The following SSBP4 variants were observed in gnomAD, a reference collection of about 807,000 sequenced individuals.
SSBP4 encodes the protein single-stranded DNA-binding protein 4.
A neutral mutation model predicts 64.6 loss-of-function variants in SSBP4; 33 were observed. The ratio of observed to expected loss-of-function variants is 0.51; its 90% CI spans 0.39 to 0.68. SSBP4 has a LOEUF of 0.68. SSBP4 is among the 30% of genes least tolerant of loss of function. The pLI, the probability that SSBP4 is intolerant of heterozygous loss-of-function variation, is 0.00. For missense variants in SSBP4, 583 were observed against 566.8 expected (o/e 1.03, Z -0.29); for synonymous variants, 243 against 224.0 (o/e 1.08, Z -0.76).
At chr19:18,404,091 TG>T in the SSBP4 span, among the ~76,000 whole-genome samples, 1 of 151,576 alleles carries the variant, frequency 6.6e-6, no homozygotes, top group South Asian at 2.1e-4. Context: ...CAGAAACACT[TG>T]GGGGCCACCA....
At position 18,426,259 on chromosome 19, in the gene SSBP4, CAG is replaced by C. The variant is rs1972847910; in HGVS notation, c.60-1087_60-1086del. Among the ~76,000 whole-genome samples, 1 of 152,152 alleles carries C rather than the reference CAG, an allele frequency of 6.6e-6. No individual in the cohort carries two copies. The highest frequency in any genetic ancestry group is 6.5e-5 in the Admixed American group (1 of 15,280). On this transcript the variant is annotated intron_variant, in intron 1 of 17. Coordinates refer to ENST00000270061, the MANE Select transcript of SSBP4 (RefSeq NM_032627.5). The surrounding 1 kb of genome is among the most constrained non-coding windows in gnomAD (Gnocchi z 4.5). ...GTTATTTTAGGATGGGGCCCGCAGC[CAG>C]AGAGGGCGGCGCAGCTGAGCTGGAG...
chr19:18,431,454 C>T lies in SSBP4; in HGVS notation c.435+36C>T, dbSNP rs566676951. The T allele has an allele frequency of 5.5e-5, 65 of 1,189,962 alleles. 1 individual carries two copies. In the South Asian group the frequency reaches 7.9e-4, roughly 14 times the overall value. The allele number at this position is 1,189,962 out of a possible 1,614,324, so 73.7% of individuals were successfully genotyped here. On this transcript the variant is annotated intron_variant, in intron 6 of 17. Coordinates refer to ENST00000270061, the MANE Select transcript of SSBP4 (RefSeq NM_032627.5). ...GTGGTGCCTGCCCCTCACACACACA[C>T]ATCCCCTCCCCCAGCGCCGCCCCCT...
upstream of SSBP4, chr19:18,419,379 C>T (rs978904993): frequency 1.9e-5 from 20 of 1,026,316 alleles, no homozygotes; most frequent in Non-Finnish European, 2.3e-5. Context: ...GCGCGCGCGG[C>T]GGGAGGAGGG....
At position 18,423,025 on chromosome 19, in the gene SSBP4, G is replaced by A. The variant is rs747325582; in HGVS notation, c.59+3318G>A. ...CAGAAAGGGACCGAGCACCTGGTGG[G>A]TGCCTGCCCTCGGGGGCTCGCAGCA... On this transcript the variant is annotated intron_variant, in intron 1 of 17. Coordinates refer to ENST00000270061, the MANE Select transcript of SSBP4 (RefSeq NM_032627.5). The surrounding 1 kb of genome is among the most constrained non-coding windows in gnomAD (Gnocchi z 4.0). Among the ~76,000 whole-genome samples the A allele has an allele frequency of 2.2e-4, 34 of 152,364 alleles. No individual in the cohort carries two copies. Among genetic ancestry groups the A allele is most frequent in the Non-Finnish European group, 3.8e-4 (26 of 68,038 alleles).
At chr19:18,432,283 T>TG in intron 10 of SSBP4, 69 bp downstream of exon 10, 5 of 1,577,892 alleles carry the variant, frequency 3.2e-6, no homozygotes, top group Non-Finnish European at 3.5e-6. Context: ...CTGGGTCAGC[T>TG]GGGGCAGGTC....
In SSBP4 at chr19:18,432,731, A is replaced by G. The variant is rs933885771; in HGVS notation, c.782A>G (p.Tyr261Cys). 1 of 1,593,972 alleles carries G rather than the reference A, an allele frequency of 6.3e-7. No individual in the cohort carries two copies. The change falls in exon 12 of 18, where the codon TAC (tyrosine) becomes TGC (cysteine). Residue 261 changes from tyrosine (Y) to cysteine (C), a missense_variant. This residue lies in a region of SSBP4 where 444 missense variants were observed against 386.6 expected (regional missense o/e 1.15). Coordinates refer to ENST00000270061, the MANE Select transcript of SSBP4 (RefSeq NM_032627.5). ...IPYSSSSPGSYTGPPGGGGPP... is the reference protein window; with the variant it reads ...IPYSSSSPGSCTGPPGGGGPP... ...TACTCCTCCTCATCCCCCGGCAGCT[A>G]CACCGTAAGTCTGAGCAAAGCTGGG... is the stretch of plus-strand genomic sequence containing the variant.
At chr19:18,417,716 CGGCCGGCTGGACAGGAAGTGGGAAGGGCT>C (rs1250172443), upstream of SSBP4, among the ~76,000 whole-genome samples, 2 of 152,232 alleles carry the variant, frequency 1.3e-5, no homozygotes, top group East Asian at 3.9e-4. The surrounding 1 kb of genome is among the most constrained non-coding windows in gnomAD (Gnocchi z 5.4). Context: ...GGGGAAGGGG[CGGCCGGCTGGACAGGAAGTGGGAAGGGCT>C]GGCGTCCCCC....
rs1972617987 is a variant in SSBP4 at position 18,423,695 on chromosome 19, CTCATG to C, written c.60-3655_60-3651del. On this transcript the variant is annotated intron_variant, in intron 1 of 17. Transcript: ENST00000270061. The surrounding 1 kb of genome is among the most constrained non-coding windows in gnomAD (Gnocchi z 4.0). ...TCCTGGCTCTGCTTCCCTGCACAGCCTCATGCTCGCTCCAGGTCCAGGCGCCCCAT... is the reference window on the plus strand; with the variant it reads ...TCCTGGCTCTGCTTCCCTGCACAGCCCTCGCTCCAGGTCCAGGCGCCCCAT... 5.9e-5 allele frequency among the ~76,000 whole-genome samples: 9 copies of C among 152,200 alleles called. No individual in the cohort carries two copies. Among genetic ancestry groups the C allele is most frequent in the African/African-American group, 1.7e-4 (7 of 41,442 alleles).
rs1262038427 is a variant in SSBP4, at chr19:18,431,820, C to T, written c.523C>T (p.Pro175Ser). The change falls in exon 8 of 18, where the codon CCC becomes TCC. Residue 175 changes from proline to serine, a missense_variant. Coordinates refer to ENST00000270061, the MANE Select transcript of SSBP4 (RefSeq NM_032627.5). ...QPPAGLPGSQ[P>S]LLPGAMEPSP... The stretch of plus-strand genomic sequence containing the variant: ...TCCCGCAGGCCTCCCTGGCTCCCAG[C>T]CCCTCCTCCCTGGCGCCATGGAGCC... 1 of 1,566,480 alleles carries T rather than the reference C, an allele frequency of 6.4e-7. No individual in the cohort carries two copies. Among genetic ancestry groups the T allele is most frequent in the Non-Finnish European group, 8.7e-7 (1 of 1,154,670 alleles).
intron 15 of SSBP4, 103 bp from the exon 16 acceptor site, chr19:18,433,482 G>A: frequency 1.1e-6 from 1 of 913,466 alleles, no homozygotes; most frequent in Non-Finnish European, 1.4e-6. Flanking sequence ...CGGGGCGGGG[G>A]CGCGTCGGCG....
the SSBP4 span, among the ~76,000 whole-genome samples, chr19:18,402,736 G>C: frequency 2.4e-4 from 37 of 152,222 alleles, no homozygotes; most frequent in African/African-American, 8.9e-4. Context: ...CTCCATTCTC[G>C]AGTAACCAGG....
At chr19:18,417,755 C>A (rs555324955), upstream of SSBP4, among the ~76,000 whole-genome samples, 5 of 152,268 alleles carry the variant, frequency 3.3e-5, no homozygotes, top group Non-Finnish European at 7.4e-5. This position sits in a 1 kb window ranked among gnomAD's most constrained non-coding sequence, Gnocchi z 5.4. Context: ...TGGCGTCCCC[C>A]CTCCCGCGCC....
At chr19:18,408,258 T>C in the SSBP4 span, among the ~76,000 whole-genome samples, 1 of 152,088 alleles carries the variant, frequency 6.6e-6, no homozygotes, top group East Asian at 1.9e-4. Flanking sequence ...GAAGGAGAGT[T>C]GGCTGTAAAT....
chr19:18,433,935 G>C (rs939437269), intron 17 of SSBP4, 118 bp downstream of exon 17: 10 of 1,243,296 alleles, frequency 8.0e-6, no homozygotes, highest in Non-Finnish European at 1.0e-5. Context: ...CGGGCCAGGT[G>C]GGGGGGCGGC....
chr19:18,429,255 G>GC (rs1350903639), intron 4 of SSBP4, among the ~76,000 whole-genome samples: 1 of 151,966 alleles, frequency 6.6e-6, no homozygotes, highest in Non-Finnish European at 1.5e-5. Flanking sequence ...GGCGGGGGGG[G>GC]CTCTGTTCGC....
At chr19:18,428,333 CCCT>C (rs1380995150) in intron 4 of SSBP4, among the ~76,000 whole-genome samples, 2 of 152,184 alleles carry the variant, frequency 1.3e-5, no homozygotes, top group African/African-American at 4.8e-5. Flanking sequence ...ACTGCCTTCC[CCCT>C]CCTCTGCCGT....
At chr19:18,432,907 G>A in intron 13 of SSBP4, 24 bp downstream of exon 13, 1 of 1,614,044 alleles carries the variant, frequency 6.2e-7, no homozygotes. Context: ...AGAGGTGGGG[G>A]TGTGCTAGGG....
At chr19:18,414,198 T>C (rs1265390505), upstream of SSBP4, among the ~76,000 whole-genome samples, 1 of 152,158 alleles carries the variant, frequency 6.6e-6, no homozygotes, top group Non-Finnish European at 1.5e-5. Context: ...CTGGGATTTC[T>C]AAGAGACACC....
Position 18,427,503 on chromosome 19 carries a change from G to T in SSBP4, c.132+80G>T. 1 of 1,514,184 alleles carries T rather than the reference G, an allele frequency of 6.6e-7. No individual in the cohort carries two copies. The highest frequency in any genetic ancestry group is 9.0e-7 in the Non-Finnish European group (1 of 1,115,720). 93.8% of individuals were successfully genotyped at this position (1,514,184 alleles called of 1,614,324 possible). A position where few individuals can be genotyped will look rare whatever the true frequency, so the allele number is the denominator to read the frequency against. On this transcript the variant is annotated intron_variant, in intron 2 of 17. Coordinates refer to ENST00000270061, the MANE Select transcript of SSBP4 (RefSeq NM_032627.5). The surrounding 1 kb of genome is among the most constrained non-coding windows in gnomAD (Gnocchi z 4.4). Reference sequence around the variant, plus strand: ...TTCATTTCCACTGGGGATCCAGGGGGTGGGCCCGCGTTGCCCCTCTGATGG... The same window carrying T: ...TTCATTTCCACTGGGGATCCAGGGGTTGGGCCCGCGTTGCCCCTCTGATGG...
Sources: allele counts gnomAD v4.1 joint callset (sites outside exome capture counted in the v4.1 genomes callset), GRCh38; gene constraint gnomAD v4.1.1; regional missense constraint gnomAD v4.1.1; non-coding constraint Gnocchi (gnomAD v3.1); transcripts MANE v1.5; gene names NCBI Gene and HGNC (gene_info 2026-07-23, HGNC 2026-07-21).